Variants in KAT2B observed in about 807,000 individuals in gnomAD.
KAT2B encodes lysine acetyltransferase 2B.
A neutral mutation model predicts 105.9 loss-of-function variants in KAT2B; 36 were observed. The ratio of observed to expected loss-of-function variants is 0.34; its 90% CI spans 0.26 to 0.45. The LOEUF (loss-of-function observed/expected upper bound fraction) is 0.45. Ranked by LOEUF, KAT2B falls within the 20% of genes least tolerant of loss-of-function variation. The pLI is 1.00. For missense variants in KAT2B, 820 were observed against 1,021.6 expected (o/e 0.80, Z 2.69); for synonymous variants, 397 against 377.9 (o/e 1.05, Z -0.59).
intron 1 of KAT2B, among the ~76,000 whole-genome samples, chr3:20,048,878 T>C (rs949734500): frequency 1.3e-5 from 2 of 152,100 alleles, no homozygotes; most frequent in South Asian, 2.1e-4. Context: ...GCGCCCCCCT[T>C]TTCTTTTTTT....
At chr3:20,118,747 AG>A (rs71038669) in intron 7 of KAT2B, among the ~76,000 whole-genome samples, 3,493 of 76,180 alleles carry the variant, frequency 0.046, 60 homozygotes, top group Non-Finnish European at 0.073. Flanking sequence ...AAAAAAAAAA[AG>A]AGAGAGAGCG....
intron 2 of KAT2B, among the ~76,000 whole-genome samples, chr3:20,076,318 G>A (rs1251620023): frequency 6.6e-6 from 1 of 152,080 alleles, no homozygotes; most frequent in Non-Finnish European, 1.5e-5. Flanking sequence ...GGGGGTATAG[G>A]TATTTAAAAA....
chr3:20,143,285 A>G (rs1329958653), intron 13 of KAT2B, among the ~76,000 whole-genome samples: 1 of 152,204 alleles, frequency 6.6e-6, no homozygotes, highest in Non-Finnish European at 1.5e-5. Context: ...ACTAGAACAC[A>G]ATGAAAATAT....
At chr3:20,111,390 T>C (rs1008308500) in intron 5 of KAT2B, among the ~76,000 whole-genome samples, 3 of 152,210 alleles carry the variant, frequency 2.0e-5, no homozygotes, top group Non-Finnish European at 4.4e-5. Context: ...ATAAGGTGAT[T>C]TTAACAGAAT....
chr3:20,041,914 C>G (rs1301212874), intron 1 of KAT2B, among the ~76,000 whole-genome samples: 1 of 152,184 alleles, frequency 6.6e-6, no homozygotes, highest in Admixed American at 6.5e-5. Context: ...TTGGTACTTG[C>G]AGGAGCTTCT....
chr3:20,127,410 C>G lies in KAT2B; in HGVS notation c.1623-13C>G. The G allele has an allele frequency of 6.2e-7, 1 of 1,610,738 alleles. No individual in the cohort carries two copies. The highest frequency in any genetic ancestry group is 1.3e-5 in the African/African-American group (1 of 74,946). ...AGGATAGGTAAAACTTTGACATAAT[C>G]TTATTCTTTCAGGAAACACAAAACC... On this transcript the variant is annotated splice_polypyrimidine_tract_variant and intron_variant, in intron 10 of 17. Transcript: ENST00000263754.
intron 1 of KAT2B, among the ~76,000 whole-genome samples, chr3:20,062,197 ATATTTTATAT>A (rs1559514304): frequency 0.013 from 501 of 39,996 alleles, 36 homozygotes; most frequent in African/African-American, 0.043. Flanking sequence ...TAAAATATAT[ATATTTTATAT>A]AAAATATATT....
At chr3:20,146,773 T>C (rs1373352246) in intron 14 of KAT2B, among the ~76,000 whole-genome samples, 1 of 152,174 alleles carries the variant, frequency 6.6e-6, no homozygotes, top group African/African-American at 2.4e-5. Context: ...CCAAAGCAGT[T>C]AGATCATTTA....
chr3:20,145,111 C>T (rs1419100104), intron 13 of KAT2B, among the ~76,000 whole-genome samples: 1 of 152,138 alleles, frequency 6.6e-6, no homozygotes, highest in Non-Finnish European at 1.5e-5. Context: ...CTCTGATTTT[C>T]AAGAGTTCAT....
At chr3:20,047,221 G>A (rs148749713) in intron 1 of KAT2B, among the ~76,000 whole-genome samples, 1,653 of 151,688 alleles carry the variant, frequency 0.011, 29 homozygotes, top group African/African-American at 0.037. Flanking sequence ...CACCATGGCC[G>A]GCTAATTTTT....
chr3:20,055,851 G>A lies in KAT2B; in HGVS notation c.303+15071G>A, dbSNP rs75206196. ...TTGGAAGCAAGCACTGATCTGATTT[G>A]TGTCACTTTAAGTTAATTTAGCTAT... is the stretch of plus-strand genomic sequence containing the variant. On this transcript the variant is annotated intron_variant, in intron 1 of 17. Transcript: ENST00000263754. Among the ~76,000 whole-genome samples, 1,872 of 152,236 alleles carry A rather than the reference G, an allele frequency of 0.012. 111 individuals are homozygous for A. The East Asian group carries it at 0.2, about 16-fold the overall frequency.
Position 20,072,573 on chromosome 3 carries a change from A to G in KAT2B, c.430+114A>G, listed in dbSNP as rs1394215519. The G allele has an allele frequency of 6.4e-6, 6 of 944,850 alleles. No individual in the cohort carries two copies. The East Asian group carries it at 1.5e-4, about 23-fold the overall frequency. The allele number at this position is 944,850 out of a possible 1,614,324, so 58.5% of individuals were successfully genotyped here. ...TGAATGCTGTGTACCTCTGTATGAGAGCAACAACAAGAGCCTCTCTAGTCT... is the reference window on the plus strand; with the variant it reads ...TGAATGCTGTGTACCTCTGTATGAGGGCAACAACAAGAGCCTCTCTAGTCT... On this transcript the variant is annotated intron_variant, in intron 2 of 17. Coordinates refer to ENST00000263754, the MANE Select transcript of KAT2B (RefSeq NM_003884.5).
chr3:20,047,175 C>A (rs1697827314), intron 1 of KAT2B, among the ~76,000 whole-genome samples: 1 of 151,310 alleles, frequency 6.6e-6, no homozygotes, highest in Non-Finnish European at 1.5e-5. Flanking sequence ...CCCTAGTCTC[C>A]CAAGTAGCTG....
chr3:20,052,502 T>G (rs1447819188), intron 1 of KAT2B, among the ~76,000 whole-genome samples: 1 of 152,078 alleles, frequency 6.6e-6, no homozygotes, highest in Non-Finnish European at 1.5e-5. Flanking sequence ...AATAAATTGG[T>G]AATTTGATAT....
intron 13 of KAT2B, among the ~76,000 whole-genome samples, chr3:20,145,695 A>T (rs1699774285): frequency 6.6e-6 from 1 of 151,612 alleles, no homozygotes; most frequent in Non-Finnish European, 1.5e-5. Context: ...GGCTTATGTC[A>T]TGGTTGTGTT....
At chr3:20,124,947 GGTTGT>G (rs1459086972) in intron 9 of KAT2B, among the ~76,000 whole-genome samples, 1 of 152,186 alleles carries the variant, frequency 6.6e-6, no homozygotes, top group Non-Finnish European at 1.5e-5. Context: ...GCTGGCACAT[GGTTGT>G]GCTTCCAGCT....
At chr3:20,105,363 T>G (rs1285325448) in intron 5 of KAT2B, among the ~76,000 whole-genome samples, 4 of 152,244 alleles carry the variant, frequency 2.6e-5, no homozygotes, top group African/African-American at 9.6e-5. Flanking sequence ...TATGACTTCT[T>G]AAAATACAAC....
chr3:20,134,765 A>C lies in KAT2B; in HGVS notation c.1750-2177A>C, dbSNP rs577382272. On this transcript the variant is annotated intron_variant, in intron 11 of 17. Coordinates refer to ENST00000263754, the MANE Select transcript of KAT2B (RefSeq NM_003884.5). ...ATATATCACTCTGTACAAATGCTGC[A>C]TAACAGGAATGTAATGCAGGCCTCA... Among the ~76,000 whole-genome samples, 30 of 152,336 alleles carry C rather than the reference A, an allele frequency of 2.0e-4. No homozygotes were observed. In the South Asian group the frequency reaches 6.0e-3, roughly 31 times the overall value.
At chr3:20,126,495 G>A (rs1699406146) in intron 10 of KAT2B, among the ~76,000 whole-genome samples, 1 of 150,968 alleles carries the variant, frequency 6.6e-6, no homozygotes. Context: ...TATAAGACAG[G>A]TTAACTTTGA....
Sources: gnomAD v4.1 joint callset for allele counts (sites outside exome capture counted in the v4.1 genomes callset) on GRCh38, gnomAD v4.1.1 for gene constraint, MANE v1.5 for transcripts, NCBI Gene and HGNC (gene_info 2026-07-23, HGNC 2026-07-21) for gene names.